PILRB: variants seen among roughly 807,000 people sequenced by gnomAD.
The protein encoded by PILRB is paired immunoglobulin-like type 2 receptor beta.
Under a neutral mutation model 20.5 loss-of-function variants are expected in PILRB, and 21 were observed. That is an observed-to-expected ratio of 1.02 (90% CI 0.72 to 1.47). The LOEUF is 1.47. Ranked by LOEUF, PILRB falls within the 40% of genes most tolerant of loss-of-function variation. The pLI is 0.00. For synonymous variants in PILRB, 133 were observed against 115.1 expected, an observed-to-expected ratio of 1.16 and a Z score of -0.99; for missense variants, 253 against 272.1, an observed-to-expected ratio of 0.93 and a Z score of 0.49.
At chr7:100,364,647 C>T in intron 3 of PILRB, among the ~76,000 whole-genome samples, 1 of 152,206 alleles carries the variant, frequency 6.6e-6, no homozygotes, top group East Asian at 1.9e-4. Flanking sequence ...GTTGCCTTAG[C>T]CTCCACAATA....
chr7:100,360,389 G>A (rs1043518729), intron 3 of PILRB, among the ~76,000 whole-genome samples: 2 of 152,044 alleles, frequency 1.3e-5, no homozygotes, highest in African/African-American at 4.8e-5. Flanking sequence ...AGGTAATCAG[G>A]GAGGACTTCC....
intron 3 of PILRB, among the ~76,000 whole-genome samples, chr7:100,360,077 C>T (rs920414526): frequency 6.6e-6 from 1 of 152,138 alleles, no homozygotes; most frequent in Non-Finnish European, 1.5e-5. Flanking sequence ...ACAGCTGGAT[C>T]CCCCCAACTT....
chr7:100,366,639 A>G (rs944811539), intron 3 of PILRB, among the ~76,000 whole-genome samples: 22 of 152,222 alleles, frequency 1.4e-4, no homozygotes, highest in African/African-American at 5.1e-4. Flanking sequence ...ATGAGTCCCA[A>G]GCATGAGGCT....
intron 3 of PILRB, among the ~76,000 whole-genome samples, chr7:100,364,473 T>C (rs77861211): frequency 0.16 from 24,325 of 152,170 alleles, 2,100 homozygotes; most frequent in Non-Finnish European, 0.19. Context: ...GTTTGTATTC[T>C]ACAGGTGAAG....
At chr7:100,364,553 G>C (rs1790621504) in intron 3 of PILRB, among the ~76,000 whole-genome samples, 1 of 152,190 alleles carries the variant, frequency 6.6e-6, no homozygotes, top group Non-Finnish European at 1.5e-5. Flanking sequence ...ACACAAGAAC[G>C]ATAGATCAAC....
chr7:100,359,214 T>C (rs1790455903), intron 2 of PILRB, 123 bp from the exon 3 acceptor site: 2 of 1,504,096 alleles, frequency 1.3e-6, no homozygotes. Context: ...CTTCCATGTC[T>C]GGGCTTCTGA....
Position 100,359,542 on chromosome 7 carries a change from G to A in PILRB, c.655+5G>A. 1.2e-6 allele frequency: 2 copies of A among 1,613,190 alleles called. No individual in the cohort carries two copies. Among genetic ancestry groups the A allele is most frequent in the Non-Finnish European group, 8.5e-7 (1 of 1,179,200 alleles). ...TGTGGTGGAGGAGAAGGAAAGGTAA[G>A]TGCCCAGAACGCACTGTCTCCTCAA... is the stretch of plus-strand genomic sequence containing the variant. On this transcript the variant is annotated splice_donor_5th_base_variant and intron_variant, in intron 3 of 3. Coordinates refer to ENST00000609309, the MANE Select transcript of PILRB (RefSeq NM_178238.4).
At chr7:100,360,043 A>G (rs1424322090) in intron 3 of PILRB, among the ~76,000 whole-genome samples, 1 of 151,638 alleles carries the variant, frequency 6.6e-6, no homozygotes, top group Non-Finnish European at 1.5e-5. Flanking sequence ...CAAACAAACA[A>G]AAAAAGCCCC....
chr7:100,365,815 C>CT (rs1165521157), intron 3 of PILRB, among the ~76,000 whole-genome samples: 1 of 151,926 alleles, frequency 6.6e-6, no homozygotes, highest in Non-Finnish European at 1.5e-5. Context: ...AAGACTCTGT[C>CT]TCAAAAAAAG....
At position 100,359,477 on chromosome 7, in the gene PILRB, C is replaced by G; in HGVS notation, c.595C>G (p.Leu199Val). 1 of 1,613,982 alleles carries G rather than the reference C, an allele frequency of 6.2e-7. No individual in the cohort carries two copies. The highest frequency in any genetic ancestry group is 8.5e-7 in the Non-Finnish European group (1 of 1,179,944). Residue 199 changes from leucine (L) to valine (V), a missense_variant, in exon 3 of 4, where the codon CTC becomes GTC. Coordinates refer to ENST00000609309, the MANE Select transcript of PILRB (RefSeq NM_178238.4). ...AIRVALAVAVLKTVILGLLCL... is the reference protein window; with the variant it reads ...AIRVALAVAVVKTVILGLLCL... Reference sequence around the variant, plus strand: ...CAGGGTTGCATTGGCTGTCGCTGTGCTCAAAACTGTCATTTTGGGACTGCT... The same window carrying G: ...CAGGGTTGCATTGGCTGTCGCTGTGGTCAAAACTGTCATTTTGGGACTGCT...
chr7:100,367,524 A>C lies in PILRB; in HGVS notation c.*147A>C. The C allele has an allele frequency of 1.5e-6, 1 of 657,162 alleles. No homozygotes were observed. The highest frequency in any genetic ancestry group is 2.7e-5 in the East Asian group (1 of 37,442). The allele number at this position is 657,162 out of a possible 1,614,324, so 40.7% of individuals were successfully genotyped here. ...TTTAAAAGGCAAAGCCGCAAGGCAG[A>C]AGGAGGCTGGGTCCCTGAATCACCG... On this transcript the variant is annotated 3_prime_UTR_variant, in exon 4 of 4. Coordinates refer to ENST00000609309, the MANE Select transcript of PILRB (RefSeq NM_178238.4).
intron 3 of PILRB, among the ~76,000 whole-genome samples, chr7:100,361,254 G>A (rs539155261): frequency 2.6e-5 from 4 of 152,196 alleles, no homozygotes; most frequent in South Asian, 2.1e-4. Context: ...TCTGTTATAC[G>A]GGAGATCCAT....
rs1240284390 is a variant in PILRB at position 100,358,147 on chromosome 7, C to G, written c.-156C>G. ...AAGTGCTGGTCACCCTGGAGGTGTACTGGTTTGGGGAAGGTCCCCGGCCCC... is the reference window on the plus strand; with the variant it reads ...AAGTGCTGGTCACCCTGGAGGTGTAGTGGTTTGGGGAAGGTCCCCGGCCCC... On this transcript the variant is annotated 5_prime_UTR_variant, in exon 1 of 4. Coordinates refer to ENST00000609309, the MANE Select transcript of PILRB (RefSeq NM_178238.4). The G allele has an allele frequency of 5.3e-6, 4 of 758,694 alleles. No individual in the cohort carries two copies. The highest frequency in any genetic ancestry group is 1.7e-5 in the African/African-American group (1 of 57,956). The allele number at this position is 758,694 out of a possible 1,614,324, so 47.0% of individuals were successfully genotyped here.
At chr7:100,360,948 G>A (rs527711969) in intron 3 of PILRB, among the ~76,000 whole-genome samples, 1 of 151,906 alleles carries the variant, frequency 6.6e-6, no homozygotes, top group South Asian at 2.1e-4. Context: ...TTTGTTTTTT[G>A]TTTTTGAGAC....
At chr7:100,360,568 T>C (rs1584197815) in intron 3 of PILRB, among the ~76,000 whole-genome samples, 2 of 151,804 alleles carry the variant, frequency 1.3e-5, no homozygotes, top group African/African-American at 4.8e-5. Flanking sequence ...GAAGAGGAGA[T>C]GACCTTAGAA....
At chr7:100,359,820 C>G (rs569868554) in intron 3 of PILRB, among the ~76,000 whole-genome samples, 3 of 152,310 alleles carry the variant, frequency 2.0e-5, no homozygotes, top group Admixed American at 6.5e-5. Flanking sequence ...GCCAAGAGAT[C>G]AAGACCATCC....
chr7:100,367,592 C>T lies in PILRB; in HGVS notation c.*215C>T, dbSNP rs2130132361. ...TACAAGAGCCTTCATCCAGGAGCAT[C>T]CACACTGCAATGATATAGGAATGAG... On this transcript the variant is annotated 3_prime_UTR_variant, in exon 4 of 4. Transcript: ENST00000609309. The T allele has an allele frequency of 1.7e-6, 1 of 591,440 alleles. No homozygotes were observed. Among genetic ancestry groups the T allele is most frequent in the South Asian group, 2.1e-5 (1 of 48,014 alleles). The allele number at this position is 591,440 out of a possible 1,614,324, so 36.6% of individuals were successfully genotyped here.
In PILRB at chr7:100,359,537, G is replaced by C; in HGVS notation, c.655G>C (p.Gly219Arg). The change falls in exon 3 of 4, where the codon GGT becomes CGT. Residue 219 changes from glycine (G) to arginine (R), a missense_variant and splice_region_variant. Coordinates refer to ENST00000609309, the MANE Select transcript of PILRB (RefSeq NM_178238.4). Reference sequence around the variant, plus strand: ...CCTCCTGTGGTGGAGGAGAAGGAAAGGTAAGTGCCCAGAACGCACTGTCTC... The same window carrying C: ...CCTCCTGTGGTGGAGGAGAAGGAAACGTAAGTGCCCAGAACGCACTGTCTC... ...LLLLWWRRRK[G>R]SRAPSSDF 1.2e-6 allele frequency: 2 copies of C among 1,613,618 alleles called. No individual in the cohort carries two copies. Among genetic ancestry groups the C allele is most frequent in the Non-Finnish European group, 1.7e-6 (2 of 1,179,556 alleles).
Position 100,367,439 on chromosome 7 carries a change from T to C in PILRB, c.*62T>C. The C allele has an allele frequency of 3.9e-6, 3 of 777,614 alleles. No individual in the cohort carries two copies. Among genetic ancestry groups the C allele is most frequent in the Non-Finnish European group, 7.2e-6 (3 of 415,256 alleles). 48.2% of individuals were successfully genotyped at this position (777,614 alleles called of 1,614,324 possible). On this transcript the variant is annotated 3_prime_UTR_variant, in exon 4 of 4. Transcript: ENST00000609309. ...CCGGAGGACGTGATGTGAGACCCGC[T>C]TGTGAGTCCTCCACACTCGTTCCCC...
Sources: gnomAD v4.1 joint callset for allele counts (sites outside exome capture counted in the v4.1 genomes callset) on GRCh38, gnomAD v4.1.1 for gene constraint, MANE v1.5 for transcripts, NCBI Gene and HGNC (gene_info 2026-07-23, HGNC 2026-07-21) for gene names.